TGM5: variants seen among roughly 807,000 people sequenced by gnomAD.
The protein encoded by TGM5 is transglutaminase 5.
In TGM5, 69 loss-of-function variants were observed where a neutral mutation model predicts 77.2. The ratio of observed to expected loss-of-function variants is 0.89; its 90% confidence interval spans 0.74 to 1.09. The LOEUF is 1.09. Among genes scored for constraint, TGM5 ranks in the 50% least tolerant of loss-of-function variants. The pLI, the probability that TGM5 is intolerant of heterozygous loss-of-function variation, is 0.00. For synonymous variants in TGM5, 346 were observed against 351.8 expected (o/e 0.98, Z 0.18); for missense variants, 842 against 896.5 (o/e 0.94, Z 0.78).
intron 7 of TGM5, 43 bp from the exon 8 acceptor site, chr15:43,239,309 T>G: frequency 6.3e-7 from 1 of 1,597,964 alleles, no homozygotes; most frequent in Non-Finnish European, 8.6e-7. Context: ...CTGCTTGGTC[T>G]TTCTAGAACA....
chr15:43,261,014 C>G (rs2042781881), intron 1 of TGM5, among the ~76,000 whole-genome samples: 1 of 150,812 alleles, frequency 6.6e-6, no homozygotes, highest in African/African-American at 2.5e-5. Flanking sequence ...GAGCTGCTCC[C>G]TGGTTTAGTT....
chr15:43,264,106 T>C (rs2042809472), intron 1 of TGM5, among the ~76,000 whole-genome samples: 1 of 152,070 alleles, frequency 6.6e-6, no homozygotes, highest in Non-Finnish European at 1.5e-5. Context: ...TGAGATACCA[T>C]CTCGTATCTC....
At chr15:43,255,903 A>G (rs564609756) in intron 4 of TGM5, among the ~76,000 whole-genome samples, 2 of 152,256 alleles carry the variant, frequency 1.3e-5, no homozygotes, top group Non-Finnish European at 2.9e-5. Context: ...ATGCGTATAG[A>G]AAACAAAATG....
At chr15:43,262,180 C>T (rs925981472) in intron 1 of TGM5, among the ~76,000 whole-genome samples, 1 of 152,244 alleles carries the variant, frequency 6.6e-6, no homozygotes, top group Non-Finnish European at 1.5e-5. Context: ...TTGGCCCACC[C>T]TTCTTTCCAT....
rs563681422 is a variant in TGM5 at position 43,252,876 on chromosome 15, C to G, written c.745G>C (p.Gly249Arg). The G allele has an allele frequency of 2.1e-5, 34 of 1,613,730 alleles. No homozygotes were observed. Among genetic ancestry groups the G allele is most frequent in the Non-Finnish European group, 2.8e-5 (33 of 1,180,038 alleles). The stretch of plus-strand genomic sequence containing the variant: ...CCCGTCCACTCCGCAGGGTTGGCGC[C>G]GTCTGTGTAATTCTCACTCCAGTTT... Reference protein sequence around the residue: ...NGNWSENYTDGANPAEWTGSV... With the variant: ...NGNWSENYTDRANPAEWTGSV... Residue 249 changes from glycine (G) to arginine (R), a missense_variant, in exon 6 of 13, where the codon GGC (glycine) becomes CGC (arginine). By Grantham distance (125) the Gly-to-Arg change is moderately radical. This residue lies in a region of TGM5 where 815 missense variants were observed against 844.6 expected (regional missense o/e 0.96). Coordinates refer to ENST00000220420, the MANE Select transcript of TGM5 (RefSeq NM_201631.4).
In TGM5 at chr15:43,234,871, G is replaced by A. The variant is rs142648722; in HGVS notation, c.1773C>T (p.Asp591=). The stretch of plus-strand genomic sequence containing the variant: ...CCAGGGCACTGATGCGGATCAGCTT[G>A]TCTGTTGACAGGTACTGGCTGTACT... ...YSQYSQYLST[D]KLIRISALGE... Residue 591 remains aspartate, a synonymous_variant, in exon 11 of 13, where the codon GAC becomes GAT. Transcript: ENST00000220420. The A allele has an allele frequency of 3.2e-3, 5,137 of 1,614,242 alleles. 9 individuals are homozygous for A. Among genetic ancestry groups the A allele is most frequent in the Non-Finnish European group, 4.0e-3 (4,716 of 1,180,040 alleles).
intron 3 of TGM5, among the ~76,000 whole-genome samples, chr15:43,257,532 T>A (rs1423190332): frequency 6.6e-6 from 1 of 152,158 alleles, no homozygotes; most frequent in Non-Finnish European, 1.5e-5. Flanking sequence ...GGAGCTTACT[T>A]GAGGGTGGAG....
intron 3 of TGM5, among the ~76,000 whole-genome samples, chr15:43,257,796 C>G (rs927673828): frequency 1.3e-5 from 2 of 152,136 alleles, no homozygotes; most frequent in Admixed American, 1.3e-4. Context: ...TATTGTGGCA[C>G]TATCCATAAT....
In TGM5 at chr15:43,241,040, C is replaced by G. The variant is rs112830484; in HGVS notation, c.863-50G>C. 1,595 of 1,613,118 alleles carry G rather than the reference C, an allele frequency of 9.9e-4. 14 individuals are homozygous for G. The African/African-American group carries it at 0.019, about 19-fold the overall frequency. On this transcript the variant is annotated intron_variant, in intron 6 of 12. Transcript: ENST00000220420. ...ACCTGTGAGCTGTAGATTCCGGACCCGTATATTCCTGGACTTTGGGGCCTG... is the reference window on the plus strand; with the variant it reads ...ACCTGTGAGCTGTAGATTCCGGACCGGTATATTCCTGGACTTTGGGGCCTG...
intron 6 of TGM5, chr15:43,247,833 A>G (rs767542213): frequency 2.6e-5 from 4 of 152,256 alleles, no homozygotes; most frequent in Non-Finnish European, 4.4e-5. Flanking sequence ...GACAAATACA[A>G]TAGATGAAAC....
intron 6 of TGM5, among the ~76,000 whole-genome samples, chr15:43,248,460 C>T (rs909144244): frequency 1.3e-5 from 2 of 152,220 alleles, no homozygotes; most frequent in Admixed American, 1.3e-4. Flanking sequence ...GCATGAGCCA[C>T]TGCACCTGGC....
At chr15:43,250,367 C>T (rs1384790468) in intron 6 of TGM5, among the ~76,000 whole-genome samples, 1 of 152,178 alleles carries the variant, frequency 6.6e-6, no homozygotes, top group African/African-American at 2.4e-5. Context: ...CCCCATTGTA[C>T]ATCTGAGGAA....
chr15:43,250,865 C>T (rs549560105), intron 6 of TGM5, among the ~76,000 whole-genome samples: 3 of 152,302 alleles, frequency 2.0e-5, no homozygotes, highest in Admixed American at 2.0e-4. Context: ...CCTACTTTGA[C>T]CAACCCTTTG....
At chr15:43,245,395 C>T (rs2042663308) in intron 6 of TGM5, among the ~76,000 whole-genome samples, 1 of 152,154 alleles carries the variant, frequency 6.6e-6, no homozygotes. Context: ...TTATCCCATG[C>T]CTTTAATCGT....
intron 1 of TGM5, among the ~76,000 whole-genome samples, chr15:43,266,309 T>C (rs1329222574): frequency 6.6e-6 from 1 of 152,232 alleles, no homozygotes; most frequent in Non-Finnish European, 1.5e-5. Context: ...TCACAGCAAC[T>C]CTTTCCAGAG....
intron 11 of TGM5, 123 bp from the exon 12 acceptor site, chr15:43,233,810 A>G (rs1031298070): frequency 8.5e-7 from 1 of 1,175,240 alleles, no homozygotes; most frequent in Non-Finnish European, 1.2e-6. Context: ...CTTTGGCATA[A>G]GAATTCTTTG....
At position 43,260,166 on chromosome 15, in the gene TGM5, G is replaced by C. The variant is rs912960644; in HGVS notation, c.322C>G (p.Pro108Ala). ...TSTEVSLCAP[P>A]TAAVGRYLLK... ...AGGTACCGACCCACGGCCGCCGTGG[G>C]AGGAGCGCACAAGCTCACCTCTGTG... Residue 108 changes from proline (P) to alanine (A), a missense_variant, in exon 3 of 13, where the codon CCC becomes GCC. Physicochemically the swap from Pro to Ala is conservative, Grantham distance 27. Around this residue, in one of 2 missense-constraint regions of TGM5, gnomAD observed 815 missense variants for 844.6 expected, o/e 0.96. Coordinates refer to ENST00000220420, the MANE Select transcript of TGM5 (RefSeq NM_201631.4). 1.9e-6 allele frequency: 3 copies of C among 1,614,126 alleles called. No individual in the cohort carries two copies. Among genetic ancestry groups the C allele is most frequent in the Non-Finnish European group, 2.5e-6 (3 of 1,180,044 alleles).
chr15:43,235,180 T>C (rs558528159), intron 10 of TGM5, among the ~76,000 whole-genome samples: 1 of 152,052 alleles, frequency 6.6e-6, no homozygotes, highest in South Asian at 2.1e-4. Flanking sequence ...TCAGGCTTTT[T>C]CTGCAAAACC....
intron 6 of TGM5, among the ~76,000 whole-genome samples, chr15:43,243,260 C>T (rs2042650659): frequency 6.6e-6 from 1 of 152,248 alleles, no homozygotes; most frequent in African/African-American, 2.4e-5. Flanking sequence ...CATTTTGCAT[C>T]TTGCTGCATC....
Sources: gnomAD v4.1 joint callset for allele counts (sites outside exome capture counted in the v4.1 genomes callset) on GRCh38, gnomAD v4.1.1 for gene constraint, gnomAD v4.1.1 regional missense constraint, MANE v1.5 for transcripts, NCBI Gene and HGNC (gene_info 2026-07-23, HGNC 2026-07-21) for gene names.